GPR89A: variants seen among roughly 807,000 people sequenced by gnomAD.
GPR89A encodes G protein-coupled receptor 89A.
In GPR89A, 16 loss-of-function variants were observed where a neutral mutation model predicts 52.0. The ratio of observed to expected loss-of-function variants is 0.31; its 90% CI spans 0.21 to 0.47. The LOEUF is 0.47. Among genes scored for constraint, GPR89A ranks in the 20% least tolerant of loss-of-function variants. The probability of loss-of-function intolerance (pLI) is 1.00; values close to 1 mark genes in which losing one functional copy is unlikely to be tolerated. For synonymous variants in GPR89A, 55 were observed against 150.9 expected (o/e 0.36, Z 4.66); for missense variants, 135 against 449.4 (o/e 0.30, Z 6.33).
rs1290589351 is a variant in GPR89A, at chr1:145,639,848, C to T, written c.618-4021C>T. On this transcript the variant is annotated intron_variant, in intron 7 of 13. Coordinates refer to ENST00000313835, the MANE Select transcript of GPR89A (RefSeq NM_001097612.2). ...GTTCAGTGGAGGAAAGATAACCTTT[C>T]ACCAAATGGTGCTAGAGCAATTAGG... 2.6e-5 allele frequency among the ~76,000 whole-genome samples: 4 copies of T among 151,774 alleles called. No individual in the cohort carries two copies. In the East Asian group the frequency reaches 7.8e-4, roughly 30 times the overall value.
At position 145,668,000 on chromosome 1, in the gene GPR89A, T is replaced by TA. The variant is rs587692874; in HGVS notation, c.1096-1624dup. ...CCTTGTAGTATAGCTTGAAGTCAGG[T>TA]AGTGTGATGCCTCCAGCTTTGTTCT... On this transcript the variant is annotated intron_variant, in intron 12 of 13. Coordinates refer to ENST00000313835, the MANE Select transcript of GPR89A (RefSeq NM_001097612.2). Among the ~76,000 whole-genome samples the TA allele has an allele frequency of 4.4e-3, 665 of 152,276 alleles. 4 individuals carry two copies. The highest frequency in any genetic ancestry group is 0.015 in the African/African-American group (623 of 41,540).
At chr1:145,617,558 T>C (rs1425026494) in intron 2 of GPR89A, among the ~76,000 whole-genome samples, 1 of 152,118 alleles carries the variant, frequency 6.6e-6, no homozygotes, top group Non-Finnish European at 1.5e-5. Context: ...GTCCATGAAA[T>C]CTTCACAATT....
intron 12 of GPR89A, among the ~76,000 whole-genome samples, chr1:145,667,853 G>A (rs1358482587): frequency 6.6e-6 from 1 of 152,072 alleles, no homozygotes; most frequent in South Asian, 2.1e-4. Flanking sequence ...TCTTGTTTTT[G>A]TCAGGTTTGT....
intron 10 of GPR89A, among the ~76,000 whole-genome samples, chr1:145,647,563 G>A (rs587600700): frequency 2.0e-5 from 3 of 151,574 alleles, no homozygotes; most frequent in South Asian, 2.1e-4. Context: ...CAGCACTTTC[G>A]GAGGCCAAGG....
chr1:145,636,261 TATA>T (rs1650234038), intron 7 of GPR89A, among the ~76,000 whole-genome samples: 3 of 151,254 alleles, frequency 2.0e-5, no homozygotes, highest in African/African-American at 4.9e-5. Context: ...TTGGGATTCA[TATA>T]ATGCCCTTGC....
chr1:145,656,422 T>C (rs1651812565), intron 10 of GPR89A, among the ~76,000 whole-genome samples: 1 of 152,100 alleles, frequency 6.6e-6, no homozygotes, highest in Non-Finnish European at 1.5e-5. Flanking sequence ...CCTTGCCCTG[T>C]GCGGCTCCCA....
chr1:145,656,866 A>G (rs1258211043), intron 10 of GPR89A, among the ~76,000 whole-genome samples: 5 of 151,606 alleles, frequency 3.3e-5, no homozygotes, highest in East Asian at 1.9e-4. Flanking sequence ...TTCCATTGTA[A>G]TCATAGTTTA....
At chr1:145,627,557 A>G (rs1190190579) in intron 5 of GPR89A, among the ~76,000 whole-genome samples, 1 of 152,230 alleles carries the variant, frequency 6.6e-6, no homozygotes. Context: ...GCATTACACA[A>G]ATATTTATTG....
chr1:145,667,858 G>T (rs1652680696), intron 12 of GPR89A, among the ~76,000 whole-genome samples: 1 of 152,094 alleles, frequency 6.6e-6, no homozygotes, highest in Non-Finnish European at 1.5e-5. Flanking sequence ...TTTTTGTCAG[G>T]TTTGTCAAAG....
At chr1:145,654,339 G>A (rs1413765499) in intron 10 of GPR89A, among the ~76,000 whole-genome samples, 2 of 151,870 alleles carry the variant, frequency 1.3e-5, no homozygotes, top group African/African-American at 4.8e-5. Flanking sequence ...AGATCACGAG[G>A]TCAGAAGATC....
At chr1:145,610,415 C>T (rs1204534300) in intron 1 of GPR89A, among the ~76,000 whole-genome samples, 1 of 152,130 alleles carries the variant, frequency 6.6e-6, no homozygotes, top group East Asian at 1.9e-4. Context: ...CTTTAGACTT[C>T]CTGAACTTCT....
At chr1:145,658,226 T>G (rs1336873638) in intron 10 of GPR89A, among the ~76,000 whole-genome samples, 1 of 151,736 alleles carries the variant, frequency 6.6e-6, no homozygotes, top group African/African-American at 2.4e-5. Context: ...TAGAGACGAG[T>G]CTCACTATAT....
At position 145,622,543 on chromosome 1, in the gene GPR89A, CTG is replaced by C. The variant is rs1333788912; in HGVS notation, c.207-509_207-508del. On this transcript the variant is annotated intron_variant, in intron 3 of 13. Coordinates refer to ENST00000313835, the MANE Select transcript of GPR89A (RefSeq NM_001097612.2). ...ATGGGTAAATTATATCTCATTAAAA[CTG>C]TTATAAAAAGTGCTAACAAAAAGTT... Among the ~76,000 whole-genome samples, 5 of 68,804 alleles carry C rather than the reference CTG, an allele frequency of 7.3e-5. No individual in the cohort carries two copies. In the Admixed American group the frequency reaches 7.3e-4, roughly 10 times the overall value. The allele number at this position is 68,804 out of a possible 152,430, so 45.1% of individuals were successfully genotyped here. A position where few individuals can be genotyped will look rare whatever the true frequency, so the allele number is the denominator to read the frequency against.
At chr1:145,647,879 CTATATATATA>C (rs782172827) in intron 10 of GPR89A, among the ~76,000 whole-genome samples, 644 of 24,628 alleles carry the variant, frequency 0.026, 23 homozygotes, top group Middle Eastern at 0.033. Flanking sequence ...CTCTCTCTCT[CTATATATATA>C]TATATATATA....
At chr1:145,617,951 C>G (rs1648839374) in intron 2 of GPR89A, among the ~76,000 whole-genome samples, 1 of 151,058 alleles carries the variant, frequency 6.6e-6, no homozygotes, top group Non-Finnish European at 1.5e-5. Flanking sequence ...AGGAAGGTTC[C>G]AGAACTGATC....
chr1:145,612,209 C>G (rs1182801594), intron 1 of GPR89A: 1 of 152,156 alleles, frequency 6.6e-6, no homozygotes, highest in Non-Finnish European at 1.5e-5. Flanking sequence ...TAGCAGATAA[C>G]CTTGCCTCGT....
At chr1:145,668,298 A>G (rs1443198368) in intron 12 of GPR89A, among the ~76,000 whole-genome samples, 4 of 151,952 alleles carry the variant, frequency 2.6e-5, no homozygotes, top group Non-Finnish European at 2.9e-5. Context: ...TCCCTTGTAA[A>G]TTGGATTCCT....
At chr1:145,650,606 T>G (rs2101816344) in intron 10 of GPR89A, among the ~76,000 whole-genome samples, 1 of 151,154 alleles carries the variant, frequency 6.6e-6, no homozygotes, top group Non-Finnish European at 1.5e-5. Flanking sequence ...CCACCAACAG[T>G]GTAAAAGCGT....
Position 145,623,117 on chromosome 1 carries a change from G to A in GPR89A, c.270G>A (p.Val90=), listed in dbSNP as rs1649250553. Reference sequence around the variant, plus strand: ...TTCTGCTGATCCTGGTTTTCATGGTGCCTTTTTACATTGGCTATTTTATTG... The same window carrying A: ...TTCTGCTGATCCTGGTTTTCATGGTACCTTTTTACATTGGCTATTTTATTG... ...CVILLILVFM[V]PFYIGYFIVS... The change falls in exon 4 of 14, where the codon GTG becomes GTA. Residue 90 remains valine (V), a synonymous_variant. Transcript: ENST00000313835. The A allele has an allele frequency of 1.2e-6, 2 of 1,612,470 alleles. No homozygotes were observed. The highest frequency in any genetic ancestry group is 1.7e-5 in the Admixed American group (1 of 59,856).
Sources: gnomAD v4.1 joint callset for allele counts (sites outside exome capture counted in the v4.1 genomes callset) on GRCh38, gnomAD v4.1.1 for gene constraint, MANE v1.5 for transcripts, NCBI Gene and HGNC (gene_info 2026-07-23, HGNC 2026-07-21) for gene names.